Variants in MYCBP2 observed in about 807,000 individuals in gnomAD.
MYCBP2 encodes MYC binding protein 2, also known as E3 ubiquitin-protein ligase MYCBP2.
A neutral mutation model predicts 525.3 loss-of-function variants in MYCBP2; 120 were observed. The ratio of observed to expected loss-of-function variants is 0.23; its 90% CI spans 0.20 to 0.27. MYCBP2 has a LOEUF of 0.27. Ranked by LOEUF, MYCBP2 falls within the 10% of genes least tolerant of loss-of-function variation. The pLI, the probability that MYCBP2 is intolerant of heterozygous loss-of-function variation, is 1.00. For missense variants in MYCBP2, 4,149 were observed against 5,657.1 expected (o/e 0.73, Z 8.55); for synonymous variants, 1,894 against 1,955.8 (o/e 0.97, Z 0.83).
intron 1 of MYCBP2, among the ~76,000 whole-genome samples, chr13:77,319,750 C>T (rs2081370763): frequency 6.6e-6 from 1 of 152,172 alleles, no homozygotes; most frequent in South Asian, 2.1e-4. Context: ...AGCTACAGTG[C>T]ATGCCAAGCG....
intron 46 of MYCBP2, among the ~76,000 whole-genome samples, chr13:77,153,970 C>A (rs1379036385): frequency 6.6e-6 from 1 of 152,100 alleles, no homozygotes; most frequent in Non-Finnish European, 1.5e-5. Flanking sequence ...AAAATTATAA[C>A]AATAACACTT....
intron 52 of MYCBP2, among the ~76,000 whole-genome samples, chr13:77,131,738 C>T (rs890743005): frequency 1.3e-5 from 2 of 152,040 alleles, no homozygotes; most frequent in African/African-American, 2.4e-5. Flanking sequence ...TATAAAATAA[C>T]ATTTCATTCT....
In MYCBP2 at chr13:77,081,387, A is replaced by T; in HGVS notation, c.11418+40T>A. 1.3e-6 allele frequency: 2 copies of T among 1,553,974 alleles called. No individual in the cohort carries two copies. The highest frequency in any genetic ancestry group is 2.3e-5 in the South Asian group (2 of 87,798). On this transcript the variant is annotated intron_variant, in intron 65 of 82. Transcript: ENST00000544440. The surrounding 1 kb of genome is among the most constrained non-coding windows in gnomAD (Gnocchi z 4.6). ...GAAAGTGCATGAATACTAAGATCTG[A>T]AAAGAGCTAAAGAGCCGTAAATCAC...
intron 60 of MYCBP2, 37 bp downstream of exon 60, chr13:77,090,065 TAGTC>T: frequency 6.6e-7 from 1 of 1,506,518 alleles, no homozygotes; most frequent in Non-Finnish European, 8.9e-7. Context: ...TTATTTGTAG[TAGTC>T]AGATCACTCA....
chr13:77,325,250 C>A (rs2082145585), intron 1 of MYCBP2, among the ~76,000 whole-genome samples: 1 of 152,184 alleles, frequency 6.6e-6, no homozygotes, highest in South Asian at 2.1e-4. Context: ...GAAAAAGACA[C>A]CTAACAATTG....
intron 57 of MYCBP2, 111 bp downstream of exon 57, chr13:77,096,201 T>C (rs2046232907): frequency 1.8e-6 from 2 of 1,099,556 alleles, no homozygotes; most frequent in Admixed American, 2.5e-5. Context: ...TAAAAGCTGA[T>C]CTTTTAATAT....
intron 46 of MYCBP2, among the ~76,000 whole-genome samples, chr13:77,152,633 G>A (rs553967226): frequency 2.6e-5 from 4 of 152,302 alleles, no homozygotes; most frequent in Admixed American, 1.3e-4. Flanking sequence ...CTGATGAGAC[G>A]CGCGGCTTAA....
At position 77,059,055 on chromosome 13, in the gene MYCBP2, T is replaced by G. The variant is rs150994434; in HGVS notation, c.13140+468A>C. Among the ~76,000 whole-genome samples the G allele has an allele frequency of 8.0e-5, 12 of 150,702 alleles. No individual in the cohort carries two copies. The South Asian group carries it at 1.3e-3, about 16-fold the overall frequency. ...GTCACCACTCTCCGCATCACCAAAA[T>G]GCAGATTTTTTTTTTTTTTAAAAAG... On this transcript the variant is annotated intron_variant, in intron 77 of 82. Coordinates refer to ENST00000544440, the MANE Select transcript of MYCBP2 (RefSeq NM_015057.5).
At chr13:77,196,931 A>T (rs1221677241) in intron 26 of MYCBP2, among the ~76,000 whole-genome samples, 2 of 152,228 alleles carry the variant, frequency 1.3e-5, no homozygotes, top group African/African-American at 4.8e-5. Flanking sequence ...TCAAAAACTG[A>T]GTTCTTGGCA....
chr13:77,190,208 CA>C, intron 29 of MYCBP2, 43 bp downstream of exon 29: 1 of 1,299,586 alleles, frequency 7.7e-7, no homozygotes, highest in Non-Finnish European at 1.1e-6. Context: ...TTCATTATAG[CA>C]AAATAATAAA....
intron 55 of MYCBP2, among the ~76,000 whole-genome samples, chr13:77,114,559 A>C (rs2049385750): frequency 6.6e-6 from 1 of 152,120 alleles, no homozygotes; most frequent in Admixed American, 6.6e-5. Flanking sequence ...GCAGATATCC[A>C]AATGAATTTT....
intron 26 of MYCBP2, among the ~76,000 whole-genome samples, chr13:77,203,320 T>C (rs1265100735): frequency 1.3e-5 from 2 of 152,098 alleles, no homozygotes; most frequent in African/African-American, 4.8e-5. Context: ...ATAAAATACC[T>C]AGGAATCCAA....
intron 38 of MYCBP2, 131 bp downstream of exon 38, chr13:77,171,361 T>C: frequency 2.4e-6 from 2 of 849,078 alleles, no homozygotes; most frequent in Admixed American, 2.7e-5. Flanking sequence ...AATTAATCCA[T>C]GGGTGGATCT....
intron 49 of MYCBP2, among the ~76,000 whole-genome samples, chr13:77,143,870 T>C (rs548970053): frequency 8.5e-5 from 13 of 152,330 alleles, no homozygotes; most frequent in Non-Finnish European, 1.6e-4. Context: ...AGGATTTGCA[T>C]ATCTAAACAT....
Position 77,095,341 on chromosome 13 carries a change from C to T in MYCBP2, c.10199+17G>A, listed in dbSNP as rs1319979860. 6.2e-7 allele frequency: 1 copy of T among 1,612,132 alleles called. No homozygotes were observed. Among genetic ancestry groups the T allele is most frequent in the South Asian group, 1.1e-5 (1 of 90,936 alleles). ...TAATCCAAAGGTGATTAAAAAACAA[C>T]AGCAAAATTTTATTACCTAGCTAAT... On this transcript the variant is annotated intron_variant, in intron 58 of 82. Coordinates refer to ENST00000544440, the MANE Select transcript of MYCBP2 (RefSeq NM_015057.5).
In MYCBP2 at chr13:77,195,249, C is replaced by T. The variant is rs182269521; in HGVS notation, c.3844-1005G>A. ...GTCCTACTAGTTCTATACCTTCTTCCTGCCTTCTCTGTTCTGGTTAATGGT... is the reference window on the plus strand; with the variant it reads ...GTCCTACTAGTTCTATACCTTCTTCTTGCCTTCTCTGTTCTGGTTAATGGT... On this transcript the variant is annotated intron_variant, in intron 26 of 82. Transcript: ENST00000544440. Among the ~76,000 whole-genome samples the T allele has an allele frequency of 2.2e-4, 34 of 152,272 alleles. No individual in the cohort carries two copies. In the East Asian group the frequency reaches 5.8e-3, roughly 26 times the overall value.
intron 1 of MYCBP2, among the ~76,000 whole-genome samples, chr13:77,298,477 A>C (rs933069790): frequency 4.6e-5 from 7 of 152,202 alleles, no homozygotes; most frequent in African/African-American, 1.7e-4. Flanking sequence ...CTTGTTCACT[A>C]CTCTAGCCTC....
At chr13:77,244,012 A>C in intron 15 of MYCBP2, 61 bp from the exon 16 acceptor site, 1 of 1,437,394 alleles carries the variant, frequency 7.0e-7, no homozygotes, top group East Asian at 2.5e-5. Context: ...TTTGTCTTTA[A>C]AACTCTTTTC....
At chr13:77,228,018 C>T (rs977190607) in intron 18 of MYCBP2, among the ~76,000 whole-genome samples, 59 of 151,982 alleles carry the variant, frequency 3.9e-4, no homozygotes, top group African/African-American at 1.4e-3. Flanking sequence ...GGGTCTTAAT[C>T]TTTATCAGCA....
Sources: gnomAD v4.1 joint callset for allele counts (sites outside exome capture counted in the v4.1 genomes callset) on GRCh38, gnomAD v4.1.1 for gene constraint, Gnocchi (gnomAD v3.1) non-coding constraint, MANE v1.5 for transcripts, NCBI Gene and HGNC (gene_info 2026-07-23, HGNC 2026-07-21) for gene names.